UTS2B: variants seen among roughly 807,000 people sequenced by gnomAD.
UTS2B encodes urotensin-2B.
Under a neutral mutation model 19.2 loss-of-function variants are expected in UTS2B, and 21 were observed. The observed-to-expected ratio is 1.09, with a 90% confidence interval of 0.78 to 1.58. The LOEUF is 1.58. UTS2B is among the 40% of genes most tolerant of loss of function. The pLI is 0.00. For synonymous variants in UTS2B, 57 were observed against 50.2 expected (o/e 1.14, Z -0.58); for missense variants, 138 against 130.3 (o/e 1.06, Z -0.29).
At chr3:191,275,411 T>C in intron 7 of UTS2B, 66 bp from the exon 8 acceptor site, 1 of 1,342,608 alleles carries the variant, frequency 7.4e-7, no homozygotes. Flanking sequence ...CCGGGCGCGG[T>C]GGCTTATGCC....
At chr3:191,345,074 CCTGATTGAG>C in the UTS2B span, among the ~76,000 whole-genome samples, 7 of 152,096 alleles carry the variant, frequency 4.6e-5, no homozygotes, top group Admixed American at 2.0e-4. Flanking sequence ...TAAATGATGT[CCTGATTGAG>C]CTCATTTTGA....
At chr3:191,291,499 C>T (rs1434149008) in intron 4 of UTS2B, among the ~76,000 whole-genome samples, 1 of 152,058 alleles carries the variant, frequency 6.6e-6, no homozygotes, top group African/African-American at 2.4e-5. Flanking sequence ...GTCACCCAGG[C>T]TGGAGTGCAG....
intron 8 of UTS2B, among the ~76,000 whole-genome samples, chr3:191,274,495 A>G (rs1560132107): frequency 6.6e-6 from 1 of 152,210 alleles, no homozygotes; most frequent in Non-Finnish European, 1.5e-5. Flanking sequence ...TTGCGTAGGT[A>G]GTCAAAGTTA....
intron 4 of UTS2B, among the ~76,000 whole-genome samples, chr3:191,292,285 GT>G (rs1716740768): frequency 6.6e-6 from 1 of 152,028 alleles, no homozygotes; most frequent in African/African-American, 2.4e-5. Context: ...TTTCAATGTT[GT>G]TTTGTAATTT....
intron 2 of UTS2B, among the ~76,000 whole-genome samples, chr3:191,322,269 T>G (rs1477107249): frequency 6.6e-6 from 1 of 152,156 alleles, no homozygotes; most frequent in East Asian, 1.9e-4. Flanking sequence ...TTGACTTAGG[T>G]CACTTTTCCA....
intron 5 of UTS2B, among the ~76,000 whole-genome samples, chr3:191,281,199 C>G (rs1321592626): frequency 6.6e-6 from 1 of 152,090 alleles, no homozygotes; most frequent in African/African-American, 2.4e-5. Flanking sequence ...CTTAAGTAAG[C>G]TGAGAGGAAA....
chr3:191,344,249 T>C, the UTS2B span, among the ~76,000 whole-genome samples: 1 of 152,204 alleles, frequency 6.6e-6, no homozygotes. Flanking sequence ...TCTAAATTAG[T>C]TCTGTCATAC....
intron 5 of UTS2B, among the ~76,000 whole-genome samples, chr3:191,278,473 T>C (rs1027900480): frequency 2.0e-5 from 3 of 152,068 alleles, no homozygotes; most frequent in Admixed American, 1.3e-4. Context: ...CTTTTTAATC[T>C]GTGTTTCTGG....
the UTS2B span, among the ~76,000 whole-genome samples, chr3:191,340,979 G>A: frequency 4.0e-5 from 6 of 150,452 alleles, no homozygotes; most frequent in Admixed American, 4.0e-4. Flanking sequence ...AGGACTACAG[G>A]CCCAGCTAAT....
chr3:191,306,425 T>C (rs1717142661), intron 3 of UTS2B, among the ~76,000 whole-genome samples: 1 of 152,224 alleles, frequency 6.6e-6, no homozygotes, highest in Non-Finnish European at 1.5e-5. Context: ...TAATCCATCA[T>C]CTATTTTATA....
At chr3:191,323,028 C>T (rs1032039908) in intron 2 of UTS2B, among the ~76,000 whole-genome samples, 3 of 152,206 alleles carry the variant, frequency 2.0e-5, no homozygotes, top group Non-Finnish European at 2.9e-5. Context: ...CTTTGACTAT[C>T]ACTCAACTAT....
chr3:191,318,304 G>C (rs763218360), intron 2 of UTS2B, among the ~76,000 whole-genome samples: 6 of 152,034 alleles, frequency 3.9e-5, no homozygotes, highest in Non-Finnish European at 7.4e-5. Flanking sequence ...TTTCCACATA[G>C]GGCAAAACAA....
chr3:191,329,583 G>A, intron 1 of UTS2B: 1 of 1,372,702 alleles, frequency 7.3e-7, no homozygotes, highest in Non-Finnish European at 1.0e-6. Flanking sequence ...TTTGCGCCGC[G>A]TCCGGCGCTG....
At chr3:191,336,864 C>G in the UTS2B span, among the ~76,000 whole-genome samples, 1 of 152,194 alleles carries the variant, frequency 6.6e-6, no homozygotes, top group African/African-American at 2.4e-5. Context: ...CAGTAATCCT[C>G]TCTAGTAATT....
upstream of UTS2B, among the ~76,000 whole-genome samples, chr3:191,334,367 T>G (rs1718076900): frequency 6.6e-6 from 1 of 152,216 alleles, no homozygotes; most frequent in Non-Finnish European, 1.5e-5. Flanking sequence ...TTCAAATGGA[T>G]GTAACTGTTA....
intron 2 of UTS2B, among the ~76,000 whole-genome samples, chr3:191,317,096 G>C (rs1387903737): frequency 1.3e-5 from 2 of 152,240 alleles, no homozygotes; most frequent in African/African-American, 4.8e-5. Context: ...GGGCCGTGCA[G>C]AGCCCATGGG....
intron 8 of UTS2B, among the ~76,000 whole-genome samples, chr3:191,271,905 T>TA (rs1716104790): frequency 6.6e-6 from 1 of 152,186 alleles, no homozygotes; most frequent in Non-Finnish European, 1.5e-5. Context: ...AAACCCAAAA[T>TA]ATGTGGTAGG....
chr3:191,289,132 A>G (rs1488164604), intron 4 of UTS2B, among the ~76,000 whole-genome samples: 1 of 152,100 alleles, frequency 6.6e-6, no homozygotes, highest in East Asian at 1.9e-4. Context: ...GAAATCAGCC[A>G]GGCGCAGTGG....
At chr3:191,287,644 A>T (rs1424342763) in intron 4 of UTS2B, among the ~76,000 whole-genome samples, 1 of 152,106 alleles carries the variant, frequency 6.6e-6, no homozygotes, top group Admixed American at 6.6e-5. Context: ...CCCATAGCTA[A>T]CATTATATTC....
Sources: gnomAD v4.1 joint callset for allele counts (sites outside exome capture counted in the v4.1 genomes callset) on GRCh38, gnomAD v4.1.1 for gene constraint, MANE v1.5 for transcripts, NCBI Gene and HGNC (gene_info 2026-07-23, HGNC 2026-07-21) for gene names.